Variants in PCLO observed in about 807,000 individuals in gnomAD.
PCLO encodes piccolo presynaptic cytomatrix protein.
PCLO carries 82 observed loss-of-function variants against 427.5 expected under a neutral mutation model. That is an observed-to-expected ratio of 0.19 (90% confidence interval 0.16 to 0.23). The LOEUF (loss-of-function observed/expected upper bound fraction) is 0.23. Ranked by LOEUF, PCLO falls within the 10% of genes least tolerant of loss-of-function variation. PCLO has a pLI of 1.00. For synonymous variants in PCLO, 2,357 were observed against 2,155.4 expected (o/e 1.09, Z -2.59); for missense variants, 6,239 against 6,115.9 (o/e 1.02, Z -0.67).
In PCLO at chr7:82,914,708, T is replaced by G; in HGVS notation, c.13278A>C (p.Gln4426His). ...RDIAFIMDDF[Q>H]HAMSDSEAYH... ...TACCTTCACTGTCTGACATGGCATGTTGGAAGTCATCCATGATGAATGCTA... is the reference window on the plus strand; with the variant it reads ...TACCTTCACTGTCTGACATGGCATGGTGGAAGTCATCCATGATGAATGCTA... The change falls in exon 7 of 25, where the codon CAA becomes CAC. Residue 4426 changes from glutamine (Q) to histidine (H), a missense_variant. This residue lies in a region of PCLO where 877 missense variants were observed against 925.5 expected (regional missense o/e 0.95). Coordinates refer to ENST00000333891, the MANE Select transcript of PCLO (RefSeq NM_033026.6). 1 of 1,613,206 alleles carries G rather than the reference T, an allele frequency of 6.2e-7. No individual in the cohort carries two copies. The highest frequency in any genetic ancestry group is 2.2e-5 in the East Asian group (1 of 44,712).
At chr7:82,879,299 C>A (rs781616136) in intron 10 of PCLO, 38 bp downstream of exon 10, 31 of 1,527,290 alleles carry the variant, frequency 2.0e-5, no homozygotes, top group Non-Finnish European at 2.6e-5. Flanking sequence ...AATATGAGTG[C>A]ATTCATTTTA....
At chr7:82,925,297 T>C (rs1160122613) in intron 6 of PCLO, among the ~76,000 whole-genome samples, 1 of 151,894 alleles carries the variant, frequency 6.6e-6, no homozygotes, top group Non-Finnish European at 1.5e-5. Flanking sequence ...TATATAAATA[T>C]AGTGCAGTAA....
chr7:82,789,508 C>A (rs909302463), intron 22 of PCLO, among the ~76,000 whole-genome samples: 11 of 152,092 alleles, frequency 7.2e-5, no homozygotes, highest in African/African-American at 2.4e-4. Flanking sequence ...GAGTTTGAGA[C>A]CAGCCTGGCC....
chr7:83,070,469 G>A (rs1472687010), intron 3 of PCLO, among the ~76,000 whole-genome samples: 2 of 149,934 alleles, frequency 1.3e-5, no homozygotes, highest in African/African-American at 4.9e-5. Flanking sequence ...CTCAGTGCAA[G>A]CTCTGCCTCC....
chr7:82,948,351 T>A (rs1197994896), intron 6 of PCLO, among the ~76,000 whole-genome samples: 1 of 151,926 alleles, frequency 6.6e-6, no homozygotes, highest in Non-Finnish European at 1.5e-5. Flanking sequence ...ATAAATAAAT[T>A]TATAATTTAC....
At chr7:82,846,764 G>T (rs925782064) in intron 11 of PCLO, 130 bp from the exon 12 acceptor site, 24 of 610,878 alleles carry the variant, frequency 3.9e-5, no homozygotes, top group Middle Eastern at 4.3e-4. Flanking sequence ...CAACTCCAAA[G>T]CATGCCTACC....
At position 82,928,351 on chromosome 7, in the gene PCLO, G is replaced by A. The variant is rs557104324; in HGVS notation, c.11113-11478C>T. 1.9e-3 allele frequency among the ~76,000 whole-genome samples: 289 copies of A among 152,270 alleles called. 2 individuals are homozygous for A. The highest frequency in any genetic ancestry group is 2.9e-3 in the Admixed American group (44 of 15,288). ...TGATATGAATTATATTTTTGTCAGT[G>A]ATTTAGGTCAATTTGTAGATAATCT... On this transcript the variant is annotated intron_variant, in intron 6 of 24. Transcript: ENST00000333891.
At chr7:82,760,399 T>G (rs1443313932) in intron 24 of PCLO, among the ~76,000 whole-genome samples, 1 of 151,710 alleles carries the variant, frequency 6.6e-6, no homozygotes, top group African/African-American at 2.4e-5. Context: ...AGCATGGAAA[T>G]AAGAAGAATC....
At chr7:83,123,771 T>C (rs1180770290) in intron 3 of PCLO, among the ~76,000 whole-genome samples, 1 of 151,808 alleles carries the variant, frequency 6.6e-6, no homozygotes, top group Admixed American at 6.6e-5. Context: ...AACAAATCCA[T>C]AGAAAAAAAT....
intron 22 of PCLO, among the ~76,000 whole-genome samples, chr7:82,771,670 A>T (rs1443128110): frequency 6.6e-6 from 1 of 152,134 alleles, no homozygotes; most frequent in Non-Finnish European, 1.5e-5. Context: ...AAATGTTTCC[A>T]TCAAGATAGC....
At chr7:82,996,993 T>C (rs1787633939) in intron 3 of PCLO, among the ~76,000 whole-genome samples, 1 of 152,024 alleles carries the variant, frequency 6.6e-6, no homozygotes, top group African/African-American at 2.4e-5. Context: ...AGTCCTCCAC[T>C]TTTGCCATTT....
chr7:82,846,622 C>G lies in PCLO; in HGVS notation c.13776G>C (p.Met4592Ile). Residue 4592 changes from methionine (M) to isoleucine (I), a missense_variant, in exon 12 of 25, where the codon ATG (methionine) becomes ATC (isoleucine). Physicochemically the swap from Met to Ile is conservative, Grantham distance 10. Around this residue, in one of 5 missense-constraint regions of PCLO, gnomAD observed 877 missense variants for 925.5 expected, o/e 0.95. Transcript: ENST00000333891. ...AEICVRLDLNMLSDSENSQHL... is the reference protein window; with the variant it reads ...AEICVRLDLNILSDSENSQHL... ...GCTGGGAATTTTCAGAATCTGATAG[C>G]ATATTGAGGTCCCTAAAAATTAAAA... 1 of 1,600,436 alleles carries G rather than the reference C, an allele frequency of 6.2e-7. No individual in the cohort carries two copies. The highest frequency in any genetic ancestry group is 8.5e-7 in the Non-Finnish European group (1 of 1,172,214).
At chr7:83,162,218 C>T in intron 1 of PCLO, 127 bp downstream of exon 1, 1 of 1,125,092 alleles carries the variant, frequency 8.9e-7, no homozygotes, top group Non-Finnish European at 1.2e-6. Flanking sequence ...ATGGCCACCC[C>T]ACTGGGGAGA....
At chr7:82,854,551 A>T (rs1792751949) in intron 10 of PCLO, among the ~76,000 whole-genome samples, 1 of 152,108 alleles carries the variant, frequency 6.6e-6, no homozygotes, top group Non-Finnish European at 1.5e-5. Context: ...TACACAGGAG[A>T]TTTGCAGTAT....
chr7:82,950,226 A>T lies in PCLO; in HGVS notation c.10362T>A (p.Asp3454Glu). 1 of 1,612,346 alleles carries T rather than the reference A, an allele frequency of 6.2e-7. No homozygotes were observed. The highest frequency in any genetic ancestry group is 8.5e-7 in the Non-Finnish European group (1 of 1,179,646). ...GVQTDDEDATDRSYVSRRRRT... is the reference protein window; with the variant it reads ...GVQTDDEDATERSYVSRRRRT... ...TCCTTCTCCTACTCACATAGCTCCG[A>T]TCTGTGGCATCTTCGTCATCCGTTT... Residue 3454 changes from aspartate (D) to glutamate (E), a missense_variant, in exon 6 of 25, where the codon GAT becomes GAA. Transcript: ENST00000333891.
chr7:82,852,314 T>C (rs1363562742), intron 10 of PCLO, among the ~76,000 whole-genome samples: 1 of 152,074 alleles, frequency 6.6e-6, no homozygotes, highest in African/African-American at 2.4e-5. Context: ...TGTTGCCAAA[T>C]CAGATTAACA....
In PCLO at chr7:83,134,692, C is replaced by T. The variant is rs1317053689; in HGVS notation, c.2858G>A (p.Gly953Glu). 3 of 1,613,636 alleles carry T rather than the reference C, an allele frequency of 1.9e-6. No individual in the cohort carries two copies. Among genetic ancestry groups the T allele is most frequent in the Non-Finnish European group, 2.5e-6 (3 of 1,179,768 alleles). Residue 953 changes from glycine to glutamate, a missense_variant, in exon 3 of 25, where the codon GGA (glycine) becomes GAA (glutamate). By Grantham distance (98) the Gly-to-Glu change is moderately conservative. This residue lies in a region of PCLO where 4,677 missense variants were observed against 4,468.4 expected (regional missense o/e 1.05). Coordinates refer to ENST00000333891, the MANE Select transcript of PCLO (RefSeq NM_033026.6). Reference sequence around the variant, plus strand: ...CCCTGGTCCACTTTGTGAATGAGGTCCAGGTTGGCCTGCAGTGGAAATTAA... The same window carrying T: ...CCCTGGTCCACTTTGTGAATGAGGTTCAGGTTGGCCTGCAGTGGAAATTAA... Reference protein sequence around the residue: ...SNLISTAGQPGPHSQSGPGAP... With the variant: ...SNLISTAGQPEPHSQSGPGAP...
intron 9 of PCLO, among the ~76,000 whole-genome samples, chr7:82,892,674 C>T (rs1395957917): frequency 6.6e-6 from 1 of 152,166 alleles, no homozygotes; most frequent in African/African-American, 2.4e-5. Context: ...TTGCAATCTC[C>T]TCATCTGACA....
intron 6 of PCLO, among the ~76,000 whole-genome samples, chr7:82,944,200 A>T (rs1413144543): frequency 1.4e-5 from 2 of 146,648 alleles, no homozygotes; most frequent in African/African-American, 5.0e-5. Context: ...TAGTGGGAGG[A>T]TGAATACGGT....
Sources: allele counts gnomAD v4.1 joint callset (sites outside exome capture counted in the v4.1 genomes callset), GRCh38; gene constraint gnomAD v4.1.1; regional missense constraint gnomAD v4.1.1; transcripts MANE v1.5; gene names NCBI Gene and HGNC (gene_info 2026-07-23, HGNC 2026-07-21).